Variants in HMOX2 observed in about 807,000 individuals in gnomAD.
HMOX2 encodes heme oxygenase (decycling) 2.
A neutral mutation model predicts 33.7 loss-of-function variants in HMOX2; 30 were observed. That is an observed-to-expected ratio of 0.89 (90% confidence interval 0.67 to 1.21). The LOEUF is 1.21. Among genes scored for constraint, HMOX2 ranks in the 50% most tolerant of loss-of-function variants. HMOX2 has a pLI of 0.00. For synonymous variants in HMOX2, 155 were observed against 155.0 expected (o/e 1.00, Z 0.00); for missense variants, 403 against 399.1 (o/e 1.01, Z -0.08).
intron 2 of HMOX2, among the ~76,000 whole-genome samples, chr16:4,506,005 C>G (rs1454152770): frequency 6.6e-6 from 1 of 152,150 alleles, no homozygotes; most frequent in Admixed American, 6.5e-5. Flanking sequence ...AGGGACAGCT[C>G]ATGCTAAACC....
chr16:4,492,055 C>T (rs1473377027), intron 1 of HMOX2, among the ~76,000 whole-genome samples: 1 of 152,080 alleles, frequency 6.6e-6, no homozygotes, highest in Non-Finnish European at 1.5e-5. Context: ...ATCAAAACTA[C>T]ACTAGGGGCC....
chr16:4,480,953 C>A (rs1939017901), intron 1 of HMOX2, among the ~76,000 whole-genome samples: 1 of 151,714 alleles, frequency 6.6e-6, no homozygotes, highest in African/African-American at 2.4e-5. Context: ...CGCGCCCGGC[C>A]AGGCCTCGTA....
chr16:4,478,917 G>C (rs574257018), intron 1 of HMOX2, among the ~76,000 whole-genome samples: 6 of 152,338 alleles, frequency 3.9e-5, no homozygotes, highest in African/African-American at 7.2e-5. Flanking sequence ...CACTTTGGGA[G>C]ACCAAGGCGG....
intron 1 of HMOX2, among the ~76,000 whole-genome samples, chr16:4,478,635 T>C (rs11863671): frequency 0.11 from 17,375 of 151,698 alleles, 2,069 homozygotes; most frequent in African/African-American, 0.3. Flanking sequence ...CATGGTGGTG[T>C]GTGCCTGTAA....
chr16:4,477,486 A>C (rs1180834820), intron 1 of HMOX2, among the ~76,000 whole-genome samples: 3 of 132,026 alleles, frequency 2.3e-5, no homozygotes, highest in African/African-American at 5.7e-5. Flanking sequence ...GCGACAGAGC[A>C]AGACTCCATC....
chr16:4,506,956 A>G lies in HMOX2; in HGVS notation c.148A>G (p.Asn50Asp). The part of the protein sequence containing the change: ...GTKEAHDRAE[N>D]TQFVKDFLKG... ...CAAGGAAGCACACGACCGGGCAGAA[A>G]ACACCCAGTTTGTCAAGGACTTCTT... Residue 50 changes from asparagine (N) to aspartate (D), a missense_variant, in exon 3 of 6, where the codon AAC becomes GAC. Physicochemically the swap from Asn to Asp is conservative, Grantham distance 23. Coordinates refer to ENST00000570646, the MANE Select transcript of HMOX2 (RefSeq NM_002134.4). 1.2e-6 allele frequency: 2 copies of G among 1,614,140 alleles called. No homozygotes were observed. The highest frequency in any genetic ancestry group is 1.7e-5 in the Admixed American group (1 of 60,008).
intron 1 of HMOX2, among the ~76,000 whole-genome samples, chr16:4,486,723 G>C (rs888710109): frequency 7.9e-5 from 12 of 152,284 alleles, no homozygotes; most frequent in African/African-American, 2.6e-4. Flanking sequence ...ATAAGAGACC[G>C]TGCCCAGAGC....
intron 1 of HMOX2, among the ~76,000 whole-genome samples, chr16:4,476,945 G>A (rs754794958): frequency 2.6e-4 from 39 of 152,164 alleles, no homozygotes; most frequent in Admixed American, 1.6e-3. Flanking sequence ...GCATTGACCG[G>A]GGCTCTGCCC....
At chr16:4,500,289 A>G (rs1474150073) in intron 1 of HMOX2, among the ~76,000 whole-genome samples, 1 of 152,190 alleles carries the variant, frequency 6.6e-6, no homozygotes, top group African/African-American at 2.4e-5. Flanking sequence ...CTGATGCCCA[A>G]CTGCAAGGTG....
At chr16:4,480,367 T>TA (rs2057990227) in intron 1 of HMOX2, among the ~76,000 whole-genome samples, 1 of 137,776 alleles carries the variant, frequency 7.3e-6, no homozygotes, top group Admixed American at 7.3e-5. Context: ...TTTTTTTCCT[T>TA]AGAGTCTTGC....
Position 4,491,884 on chromosome 16 carries a change from A to T in HMOX2, c.-41-13600A>T, listed in dbSNP as rs182578253. ...TTTTTAGTAGACGCAGGGTTTTACC[A>T]TATTTGCCAGGCTGGTCTCGAGCTC... On this transcript the variant is annotated intron_variant, in intron 1 of 5. Coordinates refer to ENST00000570646, the MANE Select transcript of HMOX2 (RefSeq NM_002134.4). Among the ~76,000 whole-genome samples, 262 of 152,046 alleles carry T rather than the reference A, an allele frequency of 1.7e-3. 2 individuals are homozygous for T. Among genetic ancestry groups the T allele is most frequent in the Middle Eastern group, 6.8e-3 (2 of 294 alleles).
intron 2 of HMOX2, among the ~76,000 whole-genome samples, chr16:4,506,504 C>T (rs368313344): frequency 1.3e-5 from 2 of 152,166 alleles, no homozygotes; most frequent in African/African-American, 2.4e-5. Flanking sequence ...CCAGAAGACA[C>T]GTTCCAAGGC....
chr16:4,508,140 T>C lies in HMOX2; in HGVS notation c.632T>C (p.Leu211Pro). Residue 211 changes from leucine to proline, a missense_variant, in exon 4 of 6, where the codon CTG becomes CCG. Coordinates refer to ENST00000570646, the MANE Select transcript of HMOX2 (RefSeq NM_002134.4). ...CGGGCCAGGATGAACGCCCTGGACC[T>C]GAACATGAAGACCAAAGAGAGGATC... is the stretch of plus-strand genomic sequence containing the variant. ...LYRARMNALD[L>P]NMKTKERIVE... 6.2e-7 allele frequency: 1 copy of C among 1,613,768 alleles called. No homozygotes were observed. Among genetic ancestry groups the C allele is most frequent in the South Asian group, 1.1e-5 (1 of 91,052 alleles).
rs565647582 is a variant in HMOX2, at chr16:4,489,754, G to A, written c.-42+13267G>A. ...GATTACAGGTGTGAGCCATTGCGCCGAGCCTCATCCAGCTAATTTTATAAT... is the reference window on the plus strand; with the variant it reads ...GATTACAGGTGTGAGCCATTGCGCCAAGCCTCATCCAGCTAATTTTATAAT... On this transcript the variant is annotated intron_variant, in intron 1 of 5. Transcript: ENST00000570646. 1.6e-4 allele frequency among the ~76,000 whole-genome samples: 25 copies of A among 152,072 alleles called. 1 individual carries two copies. The highest frequency in any genetic ancestry group is 6.0e-4 in the African/African-American group (25 of 41,522).
intron 1 of HMOX2, among the ~76,000 whole-genome samples, chr16:4,502,567 C>G (rs1210275979): frequency 6.6e-6 from 1 of 152,010 alleles, no homozygotes; most frequent in Non-Finnish European, 1.5e-5. Context: ...GCTCCAGGAC[C>G]CTTTACTGCA....
chr16:4,492,534 A>G (rs778531874), intron 1 of HMOX2, among the ~76,000 whole-genome samples: 6 of 151,906 alleles, frequency 3.9e-5, no homozygotes, highest in Non-Finnish European at 8.8e-5. Context: ...CCTGGCGAAC[A>G]TGCTGAAACC....
chr16:4,474,953 ATTATTT>A (rs2057773757), upstream of HMOX2: 1 of 151,748 alleles, frequency 6.6e-6, no homozygotes, highest in Non-Finnish European at 1.5e-5. Context: ...TTAAAATTTT[ATTATTT>A]TTATTTTTTT....
At chr16:4,497,654 T>C (rs2058454981) in intron 1 of HMOX2, among the ~76,000 whole-genome samples, 1 of 152,160 alleles carries the variant, frequency 6.6e-6, no homozygotes. Context: ...CACTGCTTGC[T>C]CAGTTGTATT....
chr16:4,491,259 G>A (rs2058298559), intron 1 of HMOX2, among the ~76,000 whole-genome samples: 1 of 152,094 alleles, frequency 6.6e-6, no homozygotes, highest in East Asian at 1.9e-4. Flanking sequence ...CCTGATTCTC[G>A]GTTACTGGAG....
Sources: allele counts gnomAD v4.1 joint callset (sites outside exome capture counted in the v4.1 genomes callset), GRCh38; gene constraint gnomAD v4.1.1; transcripts MANE v1.5; gene names NCBI Gene and HGNC (gene_info 2026-07-23, HGNC 2026-07-21).